Variants in CNKSR3 observed in about 807,000 individuals in gnomAD.
CNKSR3 encodes the protein connector enhancer of kinase suppressor of ras 3.
In CNKSR3, 36 loss-of-function variants were observed where a neutral mutation model predicts 67.7. That is an observed-to-expected ratio of 0.53 (90% CI 0.41 to 0.70). The LOEUF is 0.70. Ranked by LOEUF, CNKSR3 falls within the 30% of genes least tolerant of loss-of-function variation. The probability of loss-of-function intolerance (pLI) is 0.00; values close to 1 mark genes in which losing one functional copy is unlikely to be tolerated. For synonymous variants in CNKSR3, 281 were observed against 271.4 expected (o/e 1.04, Z -0.35); for missense variants, 630 against 695.2 (o/e 0.91, Z 1.05).
intron 10 of CNKSR3, among the ~76,000 whole-genome samples, chr6:154,412,234 C>A (rs1400210646): frequency 6.6e-6 from 1 of 152,164 alleles, no homozygotes; most frequent in South Asian, 2.1e-4. Context: ...ACCTTTAAAC[C>A]GGGCATATAA....
At chr6:154,479,218 A>G (rs369040637) in intron 1 of CNKSR3, among the ~76,000 whole-genome samples, 4 of 98,498 alleles carry the variant, frequency 4.1e-5, no homozygotes, top group African/African-American at 1.5e-4. Context: ...GGATTCAGAG[A>G]AAAAAAAAAA....
chr6:154,437,306 G>A (rs146811993), intron 4 of CNKSR3, among the ~76,000 whole-genome samples: 3 of 152,114 alleles, frequency 2.0e-5, no homozygotes, highest in African/African-American at 7.2e-5. Context: ...AACGCACATG[G>A]GGTAAGCCAC....
intron 1 of CNKSR3, among the ~76,000 whole-genome samples, chr6:154,471,988 T>C (rs1786339865): frequency 6.6e-6 from 1 of 152,190 alleles, no homozygotes; most frequent in Admixed American, 6.5e-5. Flanking sequence ...AGTCTGCCCA[T>C]TCTCTAGCTG....
rs554454189 is a variant in CNKSR3 at position 154,423,795 on chromosome 6, T to TG, written c.730-813dup. Among the ~76,000 whole-genome samples the TG allele has an allele frequency of 8.5e-4, 130 of 152,286 alleles. 2 individuals carry two copies. In the South Asian group the frequency reaches 0.026, roughly 30 times the overall value. On this transcript the variant is annotated intron_variant, in intron 7 of 12. Coordinates refer to ENST00000607772, the MANE Select transcript of CNKSR3 (RefSeq NM_173515.4). ...ATAGAAAGTTGGTGGCAACAGAAAT[T>TG]GCTTTAAAGAAAATGAATTTAGTTT...
intron 1 of CNKSR3, chr6:154,478,564 C>A (rs1446482019): frequency 6.6e-6 from 1 of 152,260 alleles, no homozygotes; most frequent in African/African-American, 2.4e-5. Context: ...GCAGCAGCCC[C>A]AGGTCCTTCA....
intron 1 of CNKSR3, among the ~76,000 whole-genome samples, chr6:154,498,484 A>G (rs1446314027): frequency 6.6e-6 from 1 of 152,200 alleles, no homozygotes; most frequent in East Asian, 1.9e-4. Flanking sequence ...CACATCCACA[A>G]TCAGCAGAAA....
intron 1 of CNKSR3, among the ~76,000 whole-genome samples, chr6:154,454,082 A>AACACACACACACAC (rs368097129): frequency 3.7e-4 from 29 of 78,280 alleles, no homozygotes; most frequent in African/African-American, 1.5e-3. Context: ...GCAAGATGAA[A>AACACACACACACAC]ACACACACAC....
chr6:154,446,700 C>A (rs1785713905), intron 2 of CNKSR3, among the ~76,000 whole-genome samples: 1 of 152,106 alleles, frequency 6.6e-6, no homozygotes, highest in Non-Finnish European at 1.5e-5. Context: ...GTTCATTTCT[C>A]AACCTCCTTC....
chr6:154,397,835 T>G lies in CNKSR3; in HGVS notation c.*8519A>C, dbSNP rs1194501254. 6.7e-6 allele frequency: 1 copy of G among 149,306 alleles called. No individual in the cohort carries two copies. Among genetic ancestry groups the G allele is most frequent in the Non-Finnish European group, 1.5e-5 (1 of 67,892 alleles). The allele number at this position is 149,306 out of a possible 1,614,324, so 9.2% of individuals were successfully genotyped here. On this transcript the variant is annotated 3_prime_UTR_variant, in exon 13 of 13. Coordinates refer to ENST00000607772, the MANE Select transcript of CNKSR3 (RefSeq NM_173515.4). ...AACAGGGTAGGCCCTGGAAGATGAG[T>G]AAAAGCAAATCTGCGGCCATCACTA...
chr6:154,423,990 T>C (rs894340691), intron 7 of CNKSR3, among the ~76,000 whole-genome samples: 2 of 152,110 alleles, frequency 1.3e-5, no homozygotes, highest in Non-Finnish European at 1.5e-5. Flanking sequence ...CCCAGCACTT[T>C]GGGAGGCCCA....
chr6:154,495,640 G>A (rs1021140742), intron 1 of CNKSR3, among the ~76,000 whole-genome samples: 1 of 151,596 alleles, frequency 6.6e-6, no homozygotes, highest in Non-Finnish European at 1.5e-5. Context: ...CTCTCAAAGT[G>A]CTGGGATTAC....
intron 1 of CNKSR3, among the ~76,000 whole-genome samples, chr6:154,477,275 A>G (rs186242168): frequency 4.6e-5 from 7 of 151,950 alleles, no homozygotes; most frequent in East Asian, 3.9e-4. Flanking sequence ...AGCTTTGCAG[A>G]GTGAAAAAAA....
chr6:154,462,558 C>G (rs779262415), intron 1 of CNKSR3, among the ~76,000 whole-genome samples: 2 of 152,168 alleles, frequency 1.3e-5, no homozygotes, highest in Non-Finnish European at 2.9e-5. Context: ...AAATCTACAG[C>G]CAAAAAGGTC....
chr6:154,410,296 G>A, intron 12 of CNKSR3, 47 bp downstream of exon 12: 2 of 1,365,766 alleles, frequency 1.5e-6, no homozygotes, highest in Non-Finnish European at 2.1e-6. Flanking sequence ...CCCTGGGGCT[G>A]TTCACTCCCC....
chr6:154,441,745 ACAAAAC>A (rs1562334204), intron 3 of CNKSR3, among the ~76,000 whole-genome samples: 1 of 150,580 alleles, frequency 6.6e-6, no homozygotes, highest in African/African-American at 2.4e-5. Context: ...TAGATTAAAA[ACAAAAC>A]AAAACAAAAA....
intron 1 of CNKSR3, among the ~76,000 whole-genome samples, chr6:154,464,686 A>C (rs1448314520): frequency 2.0e-5 from 3 of 151,436 alleles, no homozygotes; most frequent in Non-Finnish European, 4.4e-5. Flanking sequence ...ACTGCACTCC[A>C]GCCTGGCGAC....
chr6:154,489,685 C>T (rs1786747857), intron 1 of CNKSR3, among the ~76,000 whole-genome samples: 1 of 152,118 alleles, frequency 6.6e-6, no homozygotes, highest in Non-Finnish European at 1.5e-5. Flanking sequence ...TACATGTACC[C>T]TTCTTTGGGG....
chr6:154,415,113 A>AAAAAAAAAAC (rs1562321183), intron 9 of CNKSR3, among the ~76,000 whole-genome samples: 3 of 150,592 alleles, frequency 2.0e-5, no homozygotes, highest in African/African-American at 7.3e-5. Flanking sequence ...AAAAAAAAAA[A>AAAAAAAAAAC]AAAAAAAAAC....
chr6:154,469,678 T>C (rs78391330), intron 1 of CNKSR3, among the ~76,000 whole-genome samples: 3,414 of 152,280 alleles, frequency 0.022, 126 homozygotes, highest in African/African-American at 0.078. Context: ...TCTTTTAAAG[T>C]GTACAATTCA....
Sources: gnomAD v4.1 joint callset for allele counts (sites outside exome capture counted in the v4.1 genomes callset) on GRCh38, gnomAD v4.1.1 for gene constraint, MANE v1.5 for transcripts, NCBI Gene and HGNC (gene_info 2026-07-23, HGNC 2026-07-21) for gene names.